TSPAN14: variants seen among roughly 807,000 people sequenced by gnomAD.
The protein encoded by TSPAN14 is tetraspanin-14.
A neutral mutation model predicts 36.6 loss-of-function variants in TSPAN14; 16 were observed. The observed-to-expected ratio is 0.44, with a 90% CI of 0.30 to 0.66. The LOEUF (loss-of-function observed/expected upper bound fraction) is 0.66. Among genes scored for constraint, TSPAN14 ranks in the 30% least tolerant of loss-of-function variants. TSPAN14 has a pLI of 0.12. For missense variants in TSPAN14, 231 were observed against 355.1 expected, an observed-to-expected ratio of 0.65 and a Z score of 2.81; for synonymous variants, 139 against 143.8, an observed-to-expected ratio of 0.97 and a Z score of 0.24.
At chr10:80,503,505 A>C (rs991099983) in intron 2 of TSPAN14, among the ~76,000 whole-genome samples, 9 of 151,874 alleles carry the variant, frequency 5.9e-5, no homozygotes, top group Non-Finnish European at 1.0e-4. Flanking sequence ...CTGCTTTTGT[A>C]AAATGGAGGG....
intron 3 of TSPAN14, among the ~76,000 whole-genome samples, chr10:80,505,586 A>G (rs1401616065): frequency 1.3e-5 from 2 of 152,248 alleles, no homozygotes; most frequent in African/African-American, 4.8e-5. Context: ...ACCTAGGTCT[A>G]CAGGCTTTCC....
chr10:80,474,505 T>C (rs146691142), intron 1 of TSPAN14, among the ~76,000 whole-genome samples: 19 of 151,308 alleles, frequency 1.3e-4, no homozygotes, highest in Non-Finnish European at 2.4e-4. Flanking sequence ...GTGAGGAGTT[T>C]AGGAAAGCTC....
At chr10:80,467,205 A>G (rs143515187) in intron 1 of TSPAN14, among the ~76,000 whole-genome samples, 114 of 152,264 alleles carry the variant, frequency 7.5e-4, no homozygotes, top group Middle Eastern at 3.4e-3. Context: ...GGGAGGAGGT[A>G]TGTAATGAGG....
intron 7 of TSPAN14, 185 bp from the exon 8 acceptor site, chr10:80,516,019 G>A: frequency 1.3e-6 from 1 of 797,700 alleles, no homozygotes; most frequent in Non-Finnish European, 1.9e-6. Flanking sequence ...CGATGGCACA[G>A]TGCCCAGCGA....
intron 1 of TSPAN14, among the ~76,000 whole-genome samples, chr10:80,482,597 C>T (rs1847342512): frequency 6.6e-6 from 1 of 151,012 alleles, no homozygotes; most frequent in Non-Finnish European, 1.5e-5. Context: ...CTCCACAAAA[C>T]TCATTTTAGT....
chr10:80,513,548 A>G (rs1840769457), intron 6 of TSPAN14, among the ~76,000 whole-genome samples: 1 of 152,236 alleles, frequency 6.6e-6, no homozygotes, highest in Admixed American at 6.5e-5. Flanking sequence ...CTCCAAGTAT[A>G]GGTCTTACCT....
chr10:80,484,541 A>ATTTGTTACGTTATTCTTCCC (rs1335324586), intron 1 of TSPAN14, among the ~76,000 whole-genome samples: 2 of 151,824 alleles, frequency 1.3e-5, no homozygotes, highest in Non-Finnish European at 2.9e-5. Context: ...TTATTTTTCC[A>ATTTGTTACGTTATTCTTCCC]TTTGTTACGT....
chr10:80,485,588 C>G (rs377748570), intron 1 of TSPAN14: 3 of 979,990 alleles, frequency 3.1e-6, no homozygotes. Context: ...AATGAGTCTC[C>G]CATTTACCTT....
At chr10:80,507,703 C>T (rs1234509030) in intron 4 of TSPAN14, among the ~76,000 whole-genome samples, 3 of 152,354 alleles carry the variant, frequency 2.0e-5, no homozygotes, top group African/African-American at 7.2e-5. Context: ...TTTGCCCTTC[C>T]TGGCTAAGAT....
chr10:80,501,931 G>A (rs1033795023), intron 2 of TSPAN14, among the ~76,000 whole-genome samples: 2 of 152,182 alleles, frequency 1.3e-5, no homozygotes, highest in African/African-American at 4.8e-5. Flanking sequence ...AACAAAACAG[G>A]TAACATCTCT....
chr10:80,516,670 C>T (rs1015418628), intron 8 of TSPAN14, among the ~76,000 whole-genome samples: 7 of 152,078 alleles, frequency 4.6e-5, no homozygotes, highest in Non-Finnish European at 7.4e-5. Flanking sequence ...GGAGTGTGCT[C>T]GGGGTGGGCC....
chr10:80,488,166 G>A (rs1847728400), intron 1 of TSPAN14, among the ~76,000 whole-genome samples: 1 of 152,168 alleles, frequency 6.6e-6, no homozygotes, highest in Non-Finnish European at 1.5e-5. Flanking sequence ...TGGGACCACT[G>A]CCCTACGGGC....
intron 1 of TSPAN14, among the ~76,000 whole-genome samples, chr10:80,468,999 G>A (rs1359177485): frequency 6.6e-6 from 1 of 152,222 alleles, no homozygotes; most frequent in Admixed American, 6.5e-5. Context: ...ACTTTAAACA[G>A]GTTTGGCAGC....
intron 1 of TSPAN14, among the ~76,000 whole-genome samples, chr10:80,475,947 C>A (rs1846853269): frequency 6.6e-6 from 1 of 152,162 alleles, no homozygotes; most frequent in Non-Finnish European, 1.5e-5. Context: ...CAGGACATAC[C>A]CCCTCCATTA....
chr10:80,515,956 C>A, intron 7 of TSPAN14: 1 of 511,776 alleles, frequency 2.0e-6, no homozygotes, highest in South Asian at 3.0e-5. Context: ...GGCTTTAAAT[C>A]TCTGGAGACC....
At chr10:80,499,636 G>C (rs1344024340) in intron 2 of TSPAN14, among the ~76,000 whole-genome samples, 1 of 152,202 alleles carries the variant, frequency 6.6e-6, no homozygotes, top group Admixed American at 6.5e-5. Context: ...CCAGCTAGCC[G>C]TGTGACCTTG....
intron 1 of TSPAN14, among the ~76,000 whole-genome samples, chr10:80,474,738 G>T (rs894739798): frequency 6.6e-6 from 1 of 152,128 alleles, no homozygotes; most frequent in Non-Finnish European, 1.5e-5. Context: ...CAGTGCCTTT[G>T]TGCAGGGTCA....
At chr10:80,482,175 G>A (rs905571125) in intron 1 of TSPAN14, among the ~76,000 whole-genome samples, 6 of 152,182 alleles carry the variant, frequency 3.9e-5, no homozygotes, top group Non-Finnish European at 5.9e-5. Context: ...TTCTCAACAT[G>A]GTTTTTACAG....
intron 1 of TSPAN14, among the ~76,000 whole-genome samples, chr10:80,459,783 G>T (rs138711370): frequency 6.6e-6 from 1 of 152,178 alleles, no homozygotes; most frequent in Non-Finnish European, 1.5e-5. Flanking sequence ...CGAATCTCTT[G>T]TTTGTACCCC....
Sources: allele counts gnomAD v4.1 joint callset (sites outside exome capture counted in the v4.1 genomes callset), GRCh38; gene constraint gnomAD v4.1.1; transcripts MANE v1.5; gene names NCBI Gene and HGNC (gene_info 2026-07-23, HGNC 2026-07-21).